Variants in SMYD3 observed in about 807,000 individuals in gnomAD.
SMYD3 encodes the protein SET and MYND domain containing 3, also known as histone-lysine N-methyltransferase SMYD3.
In SMYD3, 36 loss-of-function variants were observed where a neutral mutation model predicts 57.7. The observed-to-expected ratio is 0.62, with a 90% CI of 0.48 to 0.82. SMYD3 has a LOEUF of 0.82. Ranked by LOEUF, SMYD3 falls within the 40% of genes least tolerant of loss-of-function variation. The pLI is 0.00. For synonymous variants in SMYD3, 211 were observed against 195.0 expected (o/e 1.08, Z -0.68); for missense variants, 515 against 538.8 (o/e 0.96, Z 0.44).
At chr1:246,036,374 A>C (rs1016751890) in intron 5 of SMYD3, among the ~76,000 whole-genome samples, 1 of 151,560 alleles carries the variant, frequency 6.6e-6, no homozygotes, top group African/African-American at 2.4e-5. Context: ...CCCCCCATCC[A>C]CCCCCGCAGT....
At chr1:246,084,205 T>C (rs1321236173) in intron 5 of SMYD3, among the ~76,000 whole-genome samples, 1 of 151,198 alleles carries the variant, frequency 6.6e-6, no homozygotes, top group Non-Finnish European at 1.5e-5. Context: ...CTTTTTTTTT[T>C]TTTTTTTCTT....
At chr1:245,985,885 G>A (rs531076907) in intron 5 of SMYD3, among the ~76,000 whole-genome samples, 85 of 152,172 alleles carry the variant, frequency 5.6e-4, no homozygotes, top group Non-Finnish European at 1.0e-3. Flanking sequence ...CATTCCACTT[G>A]AAACCTGCCT....
At chr1:246,405,539 G>C (rs538619329) in intron 1 of SMYD3, among the ~76,000 whole-genome samples, 2 of 152,128 alleles carry the variant, frequency 1.3e-5, no homozygotes, top group Non-Finnish European at 2.9e-5. Flanking sequence ...TGGTCCACAG[G>C]CTTCCAGGGT....
At chr1:245,844,203 A>G (rs2050546315) in intron 10 of SMYD3, among the ~76,000 whole-genome samples, 1 of 152,194 alleles carries the variant, frequency 6.6e-6, no homozygotes, top group Non-Finnish European at 1.5e-5. Context: ...CCTTGTGATG[A>G]AATACCTCCA....
intron 5 of SMYD3, among the ~76,000 whole-genome samples, chr1:246,010,238 C>T (rs932731215): frequency 6.6e-6 from 1 of 151,908 alleles, no homozygotes; most frequent in Non-Finnish European, 1.5e-5. Context: ...GAATCGTATG[C>T]TCTGTCTATT....
intron 1 of SMYD3, among the ~76,000 whole-genome samples, chr1:246,411,221 A>G (rs1427740757): frequency 6.6e-6 from 1 of 152,202 alleles, no homozygotes; most frequent in African/African-American, 2.4e-5. Context: ...AACACATGAA[A>G]AAATGCTCAT....
chr1:245,820,345 AC>A (rs1199117437), intron 10 of SMYD3, among the ~76,000 whole-genome samples: 78 of 150,190 alleles, frequency 5.2e-4, no homozygotes, highest in Middle Eastern at 3.4e-3. Context: ...AAATTCAACA[AC>A]CCTTCATGCT....
At chr1:245,882,871 T>C (rs147824777) in intron 8 of SMYD3, among the ~76,000 whole-genome samples, 1 of 152,342 alleles carries the variant, frequency 6.6e-6, no homozygotes, top group Non-Finnish European at 1.5e-5. Context: ...GTAGAAATAA[T>C]TGAGATGAGC....
chr1:245,818,657 G>A (rs767416000), intron 10 of SMYD3, among the ~76,000 whole-genome samples: 1,788 of 151,382 alleles, frequency 0.012, 22 homozygotes, highest in South Asian at 0.025. Context: ...CCCATCTCAC[G>A]AGCAGAGACA....
intron 10 of SMYD3, among the ~76,000 whole-genome samples, chr1:245,781,157 G>T (rs2046812422): frequency 1.3e-5 from 2 of 152,158 alleles, no homozygotes; most frequent in Non-Finnish European, 2.9e-5. Context: ...TTCTAAAAAT[G>T]GATTGTGAGA....
intron 10 of SMYD3, among the ~76,000 whole-genome samples, chr1:245,829,952 G>A (rs2049737691): frequency 6.6e-6 from 1 of 152,032 alleles, no homozygotes; most frequent in Non-Finnish European, 1.5e-5. Flanking sequence ...GGTTATCTAG[G>A]GACTGGGGGG....
At chr1:245,770,748 T>C (rs1450909124) in intron 10 of SMYD3, among the ~76,000 whole-genome samples, 2 of 152,270 alleles carry the variant, frequency 1.3e-5, no homozygotes, top group South Asian at 4.2e-4. Context: ...ATAAATATGT[T>C]TGAGAACTTA....
chr1:246,088,349 C>G (rs182724207), intron 5 of SMYD3, among the ~76,000 whole-genome samples: 105 of 152,106 alleles, frequency 6.9e-4, no homozygotes, highest in Middle Eastern at 3.4e-3. Context: ...AGTAATCACG[C>G]CTGTAATCCC....
chr1:246,453,144 G>T (rs2103030856), intron 1 of SMYD3, among the ~76,000 whole-genome samples: 1 of 152,302 alleles, frequency 6.6e-6, no homozygotes, highest in African/African-American at 2.4e-5. Flanking sequence ...TCATTTTACA[G>T]AGGGAGAGAG....
At chr1:246,161,375 C>T (rs1027671331) in intron 5 of SMYD3, among the ~76,000 whole-genome samples, 3 of 152,202 alleles carry the variant, frequency 2.0e-5, no homozygotes, top group South Asian at 4.1e-4. Context: ...TTTACACAGG[C>T]TGTTCCCTCC....
intron 8 of SMYD3, among the ~76,000 whole-genome samples, chr1:245,913,060 C>T (rs2147762604): frequency 6.6e-6 from 1 of 152,288 alleles, no homozygotes; most frequent in African/African-American, 2.4e-5. Context: ...GACACATGCA[C>T]ACGTATGTTT....
chr1:245,850,806 C>A (rs1486220080), intron 10 of SMYD3, among the ~76,000 whole-genome samples: 4 of 152,214 alleles, frequency 2.6e-5, no homozygotes, highest in Non-Finnish European at 5.9e-5. Flanking sequence ...GGACTGCTGG[C>A]TTCTGGGAGA....
chr1:245,808,147 T>C (rs573077430), intron 10 of SMYD3, among the ~76,000 whole-genome samples: 5 of 152,318 alleles, frequency 3.3e-5, no homozygotes, highest in Admixed American at 6.5e-5. Flanking sequence ...TATGCTAATA[T>C]AGAAATGGGT....
rs146720296 is a variant in SMYD3 at position 246,417,818 on chromosome 1, A to G, written c.165-62724T>C. 4.9e-3 allele frequency among the ~76,000 whole-genome samples: 743 copies of G among 152,272 alleles called. 6 individuals carry two copies. The highest frequency in any genetic ancestry group is 0.017 in the African/African-American group (709 of 41,552). The stretch of plus-strand genomic sequence containing the variant: ...TCTTATTGACTTTCATTAGTTTTAC[A>G]AATGCAGTTTCAGTTCCCAAGCAAG... On this transcript the variant is annotated intron_variant, in intron 1 of 11. Coordinates refer to ENST00000490107, the MANE Select transcript of SMYD3 (RefSeq NM_001167740.2).
Sources: gnomAD v4.1 joint callset for allele counts (sites outside exome capture counted in the v4.1 genomes callset) on GRCh38, gnomAD v4.1.1 for gene constraint, MANE v1.5 for transcripts, NCBI Gene and HGNC (gene_info 2026-07-23, HGNC 2026-07-21) for gene names.